Variants in CDK10 observed in about 807,000 individuals in gnomAD.
The protein encoded by CDK10 is cyclin-dependent kinase 10.
Under a neutral mutation model 51.0 loss-of-function variants are expected in CDK10, and 55 were observed. That is an observed-to-expected ratio of 1.08 (90% CI 0.87 to 1.35). The LOEUF (loss-of-function observed/expected upper bound fraction) is 1.35, where lower values mean the gene tolerates loss of function less well. Ranked by LOEUF, CDK10 falls within the 40% of genes most tolerant of loss-of-function variation. The pLI, the probability that CDK10 is intolerant of heterozygous loss-of-function variation, is 0.00. For synonymous variants in CDK10, 255 were observed against 199.1 expected, an observed-to-expected ratio of 1.28 and a Z score of -2.36; for missense variants, 589 against 485.1, an observed-to-expected ratio of 1.21 and a Z score of -2.01.
chr16:89,695,858 G>A lies in CDK10; in HGVS notation c.*166G>A. 4 of 1,481,552 alleles carry A rather than the reference G, an allele frequency of 2.7e-6. No individual in the cohort carries two copies. The highest frequency in any genetic ancestry group is 3.6e-6 in the Non-Finnish European group (4 of 1,096,780). 91.8% of individuals were successfully genotyped at this position (1,481,552 alleles called of 1,614,324 possible). A position where few individuals can be genotyped will look rare whatever the true frequency, so the allele number is the denominator to read the frequency against. On this transcript the variant is annotated 3_prime_UTR_variant, in exon 13 of 13. Transcript: ENST00000353379. ...TCCCACTGTCTGCCCTGAACCCACT[G>A]CTGCCCCCAGAAAAAGGCCGGGTGA...
chr16:89,689,125 G>C lies in CDK10; in HGVS notation c.88-127G>C. ...AAAAAAAGAAAAAAAAAGCCCAAAC[G>C]TGTGGTTGCCTTTCTGTTTGGTGAG... On this transcript the variant is annotated intron_variant, in intron 1 of 12. Coordinates refer to ENST00000353379, the MANE Select transcript of CDK10 (RefSeq NM_052988.5). 6.3e-6 allele frequency: 5 copies of C among 792,716 alleles called. No individual in the cohort carries two copies. In the South Asian group the frequency reaches 7.9e-5, roughly 12 times the overall value. 49.1% of individuals were successfully genotyped at this position (792,716 alleles called of 1,614,324 possible).
chr16:89,695,173 AC>A (rs1242811722), intron 11 of CDK10, 103 bp downstream of exon 11: 2 of 1,540,846 alleles, frequency 1.3e-6, no homozygotes, highest in Non-Finnish European at 1.8e-6. Context: ...CTCCCCAGGC[AC>A]AGCCGCTCGG....
At position 89,694,925 on chromosome 16, in the gene CDK10, C is replaced by T. The variant is rs2060640268; in HGVS notation, c.793-6C>T. ...CCCTCTGCGCCTCAGCTCCTGCCTC[C>T]CATAGGGCTTTTCCAAGCTGCCACT... On this transcript the variant is annotated splice_region_variant and splice_polypyrimidine_tract_variant and intron_variant, in intron 10 of 12. Transcript: ENST00000353379. 6.2e-7 allele frequency: 1 copy of T among 1,612,696 alleles called. No individual in the cohort carries two copies.
At chr16:89,688,814 C>G (rs758427652) in intron 1 of CDK10, among the ~76,000 whole-genome samples, 13 of 152,112 alleles carry the variant, frequency 8.5e-5, no homozygotes, top group Admixed American at 2.0e-4. Context: ...CAGAAAAGCC[C>G]AAGAGGCCGG....
intron 6 of CDK10, among the ~76,000 whole-genome samples, 153 bp from the exon 7 acceptor site, chr16:89,693,119 CAG>C (rs2060529024): frequency 7.0e-6 from 1 of 143,666 alleles, no homozygotes; most frequent in South Asian, 2.2e-4. Flanking sequence ...GCCTGGGCGA[CAG>C]AGTGAGACTC....
At chr16:89,690,783 C>T (rs931778335) in intron 3 of CDK10, among the ~76,000 whole-genome samples, 159 bp downstream of exon 3, 2 of 152,136 alleles carry the variant, frequency 1.3e-5, no homozygotes, top group East Asian at 1.9e-4. Flanking sequence ...CAGGTCCACA[C>T]GCAGCCTCAG....
At chr16:89,692,997 G>T (rs2060522818) in intron 6 of CDK10, among the ~76,000 whole-genome samples, 1 of 151,530 alleles carries the variant, frequency 6.6e-6, no homozygotes, top group African/African-American at 2.4e-5. Flanking sequence ...AATTAGCCGG[G>T]CGTGGTGGCG....
intron 10 of CDK10, 67 bp downstream of exon 10, chr16:89,694,855 CCG>C: frequency 5.2e-6 from 8 of 1,535,888 alleles, no homozygotes; most frequent in Non-Finnish European, 7.0e-6. Context: ...CAGCCCCCGC[CCG>C]TGCCCACGCC....
At chr16:89,688,748 C>T (rs1306903050) in intron 1 of CDK10, among the ~76,000 whole-genome samples, 6 of 152,196 alleles carry the variant, frequency 3.9e-5, no homozygotes, top group South Asian at 4.1e-4. Flanking sequence ...TCTGAGTGGC[C>T]GCCTCTGATA....
In CDK10 at chr16:89,695,712, C is replaced by A; in HGVS notation, c.*20C>A. On this transcript the variant is annotated 3_prime_UTR_variant, in exon 13 of 13. Transcript: ENST00000353379. ...CCCTGACGGTGGGCCTGGCACACGC[C>A]TGTATTCCCACACCAGGTCTTCCGA... The A allele has an allele frequency of 6.3e-7, 1 of 1,591,774 alleles. No homozygotes were observed. The highest frequency in any genetic ancestry group is 2.3e-5 in the East Asian group (1 of 43,998).
intron 8 of CDK10, chr16:89,693,720 ACCGTGG>A (rs2060562559): frequency 1.7e-6 from 1 of 575,910 alleles, no homozygotes; most frequent in African/African-American, 1.9e-5. Flanking sequence ...AGCTGGAAAC[ACCGTGG>A]CCGTGAAACC....
chr16:89,694,516 G>A, intron 9 of CDK10, 149 bp from the exon 10 acceptor site: 2 of 1,404,604 alleles, frequency 1.4e-6, no homozygotes, highest in Non-Finnish European at 1.9e-6. Context: ...GGAGCCAGTG[G>A]TCCCTGCCTG....
chr16:89,692,560 G>T (rs2060499659), intron 6 of CDK10, 44 bp downstream of exon 6: 2 of 1,474,492 alleles, frequency 1.4e-6, no homozygotes. Flanking sequence ...ATTCGGCTGA[G>T]GCCTAACTCT....
Position 89,695,277 on chromosome 16 carries a change from AG to A in CDK10, c.933-14del. ...CCGCACTCACAAGTCGCACTAACGC[AG>A]GCTGCCTCCTCCAGGGCGACGGCCG... On this transcript the variant is annotated splice_polypyrimidine_tract_variant and intron_variant, in intron 11 of 12. Transcript: ENST00000353379. 6.2e-7 allele frequency: 1 copy of A among 1,606,132 alleles called. No homozygotes were observed. Among genetic ancestry groups the A allele is most frequent in the Non-Finnish European group, 8.5e-7 (1 of 1,175,526 alleles).
rs2060713611 is a variant in CDK10, at chr16:89,696,221, A to G, written c.*529A>G. ...GGGAGCCACAATTGAGGATACCCCG[A>G]GACTACCAGGAGAGCCCTGGGCTGG... On this transcript the variant is annotated 3_prime_UTR_variant, in exon 13 of 13. Transcript: ENST00000353379. The G allele has an allele frequency of 3.7e-6, 1 of 267,912 alleles. No homozygotes were observed. Among genetic ancestry groups the G allele is most frequent in the Non-Finnish European group, 7.3e-6 (1 of 137,642 alleles). 16.6% of individuals were successfully genotyped at this position (267,912 alleles called of 1,614,324 possible). A position where few individuals can be genotyped will look rare whatever the true frequency, so the allele number is the denominator to read the frequency against.
chr16:89,694,466 C>T, intron 9 of CDK10, 199 bp from the exon 10 acceptor site: 1 of 983,810 alleles, frequency 1.0e-6, no homozygotes, highest in South Asian at 1.5e-5. Context: ...ACGCCTGCCC[C>T]TGCACTTGTC....
At chr16:89,693,728 C>T (rs1021709303) in intron 8 of CDK10, 10 of 570,910 alleles carry the variant, frequency 1.8e-5, no homozygotes, top group East Asian at 5.9e-5. Context: ...ACACCGTGGC[C>T]GTGAAACCAT....
Position 89,690,211 on chromosome 16 carries a change from C to T in CDK10, c.161-342C>T, listed in dbSNP as rs1597844818. Reference sequence around the variant, plus strand: ...GGTTTGCTTTTTTCTGCATAGAGTACCTTATTTGCTTTTAGGACATTACAA... The same window carrying T: ...GGTTTGCTTTTTTCTGCATAGAGTATCTTATTTGCTTTTAGGACATTACAA... On this transcript the variant is annotated intron_variant, in intron 2 of 12. Transcript: ENST00000353379. 4 of 297,784 alleles carry T rather than the reference C, an allele frequency of 1.3e-5. No individual in the cohort carries two copies. The East Asian group carries it at 2.5e-4, about 19-fold the overall frequency. The allele number at this position is 297,784 out of a possible 1,614,324, so 18.4% of individuals were successfully genotyped here. A position where few individuals can be genotyped will look rare whatever the true frequency, so the allele number is the denominator to read the frequency against.
chr16:89,692,072 C>T (rs2060476337), intron 5 of CDK10, 185 bp downstream of exon 5: 5 of 620,998 alleles, frequency 8.1e-6, no homozygotes, highest in South Asian at 7.8e-5. Flanking sequence ...TGGGAGCGGG[C>T]AGCCCCAGGG....
Sources: gnomAD v4.1 joint callset for allele counts (sites outside exome capture counted in the v4.1 genomes callset) on GRCh38, gnomAD v4.1.1 for gene constraint, MANE v1.5 for transcripts, NCBI Gene and HGNC (gene_info 2026-07-23, HGNC 2026-07-21) for gene names.